The following MED19 variants were observed in gnomAD, a reference collection of about 807,000 sequenced individuals.
MED19 encodes mediator complex subunit 19, also known as mediator of RNA polymerase II transcription subunit 19.
In MED19, 4 loss-of-function variants were observed where a neutral mutation model predicts 19.9. The observed-to-expected ratio is 0.20, with a 90% CI of 0.10 to 0.46. The LOEUF is 0.46. Among genes scored for constraint, MED19 ranks in the 20% least tolerant of loss-of-function variants. The probability of loss-of-function intolerance (pLI) is 0.99; values close to 1 mark genes in which losing one functional copy is unlikely to be tolerated. For missense variants in MED19, 303 were observed against 318.7 expected, an observed-to-expected ratio of 0.95 and a Z score of 0.38; for synonymous variants, 139 against 119.6, an observed-to-expected ratio of 1.16 and a Z score of -1.06.
intron 2 of MED19, 51 bp downstream of exon 2, chr11:57,704,922 A>T (rs760476894): frequency 6.2e-7 from 1 of 1,603,962 alleles, no homozygotes; most frequent in South Asian, 1.1e-5. Context: ...GAGAAAAACC[A>T]TCTCCATGTT....
chr11:57,705,007 G>T (rs768551740), exon 2 of MED19: 18 of 1,614,082 alleles, frequency 1.1e-5, no homozygotes, highest in Non-Finnish European at 1.4e-5. Context: ...GGCCAGCATG[G>T]TCCCTGTGAT....
At chr11:57,706,915 A>T (rs1379603743) in intron 1 of MED19, among the ~76,000 whole-genome samples, 2 of 151,666 alleles carry the variant, frequency 1.3e-5, no homozygotes, top group African/African-American at 2.4e-5. Context: ...ATAAAGTATC[A>T]GGCTTGGCAC....
At chr11:57,707,197 CAAAAA>C (rs754457524) in intron 1 of MED19, among the ~76,000 whole-genome samples, 2 of 57,916 alleles carry the variant, frequency 3.5e-5, no homozygotes, top group South Asian at 1.1e-3. Context: ...GATTCCATCT[CAAAAA>C]AAAAAAAAAA....
chr11:57,711,485 C>T (rs1158753623), intron 1 of MED19, among the ~76,000 whole-genome samples: 2 of 152,148 alleles, frequency 1.3e-5, no homozygotes, highest in Admixed American at 6.5e-5. Flanking sequence ...TCCCGAGTAG[C>T]TGGAATTAAA....
At chr11:57,704,918 AACC>A (rs1946489725) in intron 2 of MED19, 52 bp downstream of exon 2, 1 of 1,603,710 alleles carries the variant, frequency 6.2e-7, no homozygotes, top group Non-Finnish European at 8.5e-7. Context: ...TGGAGAGAAA[AACC>A]ATCTCCATGT....
At chr11:57,704,722 G>C (rs771733577) in exon 3 of MED19, 5 of 1,603,790 alleles carry the variant, frequency 3.1e-6, no homozygotes, top group African/African-American at 1.4e-5. Flanking sequence ...TTCTTACCTG[G>C]GGGGACAGGA....
chr11:57,703,780 A>T, exon 5 of MED19: 1 of 445,234 alleles, frequency 2.2e-6, no homozygotes, highest in Non-Finnish European at 3.9e-6. Context: ...GACAAATTGC[A>T]CAAAAGAGAG....
chr11:57,704,644 G>C (rs1334020884), intron 3 of MED19, 75 bp downstream of exon 3: 1 of 951,556 alleles, frequency 1.1e-6, no homozygotes, highest in Non-Finnish European at 1.6e-6. Flanking sequence ...ACCTATGGAA[G>C]TTCAAACCAG....
intron 1 of MED19, among the ~76,000 whole-genome samples, chr11:57,706,616 C>A (rs1946510650): frequency 6.6e-6 from 1 of 151,460 alleles, no homozygotes; most frequent in Non-Finnish European, 1.5e-5. Flanking sequence ...ACTAAAAATA[C>A]AAAAATTAGC....
At chr11:57,707,628 G>A (rs1946523860) in intron 1 of MED19, among the ~76,000 whole-genome samples, 1 of 152,136 alleles carries the variant, frequency 6.6e-6, no homozygotes, top group Admixed American at 6.5e-5. Flanking sequence ...GGTAATGGCA[G>A]GAGACCCAAT....
At chr11:57,708,005 G>A (rs1169990538) in intron 1 of MED19, among the ~76,000 whole-genome samples, 1 of 151,774 alleles carries the variant, frequency 6.6e-6, no homozygotes, top group African/African-American at 2.4e-5. Context: ...GCTAATTTTT[G>A]TATTTTTTGT....
rs529997749 is a variant in MED19, at chr11:57,704,286, T to C, written c.666+16A>G. On this transcript the variant is annotated intron_variant, in intron 4 of 4. Transcript: ENST00000431606. ...GGGGAAACTCACTGGGTTGTGGCAA[T>C]AGGCCTCTACTCTACCTTCTTTTTC... 3 of 1,532,940 alleles carry C rather than the reference T, an allele frequency of 2.0e-6. No individual in the cohort carries two copies. Among genetic ancestry groups the C allele is most frequent in the East Asian group, 2.4e-5 (1 of 40,900 alleles). 95.0% of individuals were successfully genotyped at this position (1,532,940 alleles called of 1,614,324 possible). A position where few individuals can be genotyped will look rare whatever the true frequency, so the allele number is the denominator to read the frequency against.
intron 1 of MED19, among the ~76,000 whole-genome samples, chr11:57,705,842 C>T (rs1038800086): frequency 2.0e-5 from 3 of 152,200 alleles, no homozygotes; most frequent in South Asian, 2.1e-4. Flanking sequence ...ATGCTTGCTT[C>T]GTGGTAAATG....
exon 2 of MED19, chr11:57,705,009 C>T: frequency 6.2e-7 from 1 of 1,614,030 alleles, no homozygotes; most frequent in Non-Finnish European, 8.5e-7. Flanking sequence ...CCAGCATGGT[C>T]CCTGTGATAG....
At chr11:57,705,982 G>A (rs1362658545) in intron 1 of MED19, among the ~76,000 whole-genome samples, 2 of 151,514 alleles carry the variant, frequency 1.3e-5, no homozygotes, top group African/African-American at 4.8e-5. Flanking sequence ...TGACTTAAGG[G>A]TCTTGTCAAG....
chr11:57,705,169 T>C (rs1946494542), exon 2 of MED19: 5 of 1,614,086 alleles, frequency 3.1e-6, no homozygotes, highest in Non-Finnish European at 3.4e-6. Flanking sequence ...GAATTTATTA[T>C]AGGCTTGTTC....
chr11:57,709,022 A>C (rs531301683), intron 1 of MED19, among the ~76,000 whole-genome samples: 5 of 152,254 alleles, frequency 3.3e-5, no homozygotes, highest in Non-Finnish European at 7.3e-5. Context: ...ACTTCAAAGT[A>C]CTATACCAAT....
chr11:57,709,442 C>T (rs1946539491), intron 1 of MED19, among the ~76,000 whole-genome samples: 2 of 151,958 alleles, frequency 1.3e-5, no homozygotes, highest in South Asian at 2.1e-4. Context: ...TCTTGATTTC[C>T]ACCTCTTCAA....
chr11:57,709,784 C>G (rs1007848644), intron 1 of MED19, among the ~76,000 whole-genome samples: 2 of 152,138 alleles, frequency 1.3e-5, no homozygotes, highest in South Asian at 2.1e-4. Context: ...TGGTCTCAAA[C>G]TTTTGGGCTC....
Sources: gnomAD v4.1 joint callset for allele counts (sites outside exome capture counted in the v4.1 genomes callset) on GRCh38, gnomAD v4.1.1 for gene constraint, MANE v1.5 for transcripts, NCBI Gene and HGNC (gene_info 2026-07-23, HGNC 2026-07-21) for gene names.